Variants in SNTG1 observed in about 807,000 individuals in gnomAD.
SNTG1 encodes the protein gamma-1-syntrophin.
A neutral mutation model predicts 74.7 loss-of-function variants in SNTG1; 39 were observed. The ratio of observed to expected loss-of-function variants is 0.52; its 90% CI spans 0.40 to 0.68. The LOEUF is 0.68. SNTG1 is among the 30% of genes least tolerant of loss of function. SNTG1 has a pLI of 0.00. For synonymous variants in SNTG1, 254 were observed against 217.1 expected (o/e 1.17, Z -1.49); for missense variants, 685 against 609.5 (o/e 1.12, Z -1.30).
Position 50,178,400 on chromosome 8 carries a change from C to T in SNTG1, c.-28+5765C>T, listed in dbSNP as rs557378942. On this transcript the variant is annotated intron_variant, in intron 2 of 18. Transcript: ENST00000642720. ...CACTTTCTGTCTCTCTCTTCACACA[C>T]GTGCGCGCGCACACACACACACACA... 2.7e-4 allele frequency among the ~76,000 whole-genome samples: 41 copies of T among 151,138 alleles called. No homozygotes were observed. The East Asian group carries it at 3.5e-3, about 13-fold the overall frequency.
At chr8:50,292,800 T>C (rs576268523) in intron 2 of SNTG1, among the ~76,000 whole-genome samples, 1 of 152,274 alleles carries the variant, frequency 6.6e-6, no homozygotes, top group South Asian at 2.1e-4. Context: ...TATTTAGTTA[T>C]CCATAACCTA....
At chr8:50,065,622 T>A (rs1358474745) in intron 1 of SNTG1, among the ~76,000 whole-genome samples, 1 of 152,192 alleles carries the variant, frequency 6.6e-6, no homozygotes, top group Non-Finnish European at 1.5e-5. Context: ...GGAAATATTA[T>A]AGACGTTTTC....
At chr8:50,265,612 T>C (rs1260825978) in intron 2 of SNTG1, among the ~76,000 whole-genome samples, 1 of 152,040 alleles carries the variant, frequency 6.6e-6, no homozygotes, top group African/African-American at 2.4e-5. Flanking sequence ...TGACAGGAAG[T>C]TCTAGTAAGG....
At chr8:50,653,112 T>TTTTA (rs527490993) in intron 13 of SNTG1, among the ~76,000 whole-genome samples, 41 of 151,984 alleles carry the variant, frequency 2.7e-4, no homozygotes, top group South Asian at 8.3e-4. Flanking sequence ...TTTGTTTTTA[T>TTTTA]TTTATTTATT....
intron 13 of SNTG1, among the ~76,000 whole-genome samples, chr8:50,624,837 C>T (rs16915106): frequency 0.064 from 9,759 of 152,130 alleles, 847 homozygotes; most frequent in African/African-American, 0.2. Flanking sequence ...CAAGTTCCAA[C>T]GGCATTGAGG....
chr8:50,627,355 A>G (rs1176334783), intron 13 of SNTG1, among the ~76,000 whole-genome samples: 10 of 152,210 alleles, frequency 6.6e-5, no homozygotes, highest in African/African-American at 2.4e-4. Flanking sequence ...TGCTATAAAC[A>G]AGGCTTGCAG....
At chr8:50,090,733 G>T (rs1256610320) in intron 1 of SNTG1, among the ~76,000 whole-genome samples, 1 of 152,132 alleles carries the variant, frequency 6.6e-6, no homozygotes, top group Non-Finnish European at 1.5e-5. Context: ...CAGGGAAGAT[G>T]GGTACTTGGG....
At chr8:49,983,570 G>T (rs550513367) in intron 1 of SNTG1, among the ~76,000 whole-genome samples, 1 of 152,242 alleles carries the variant, frequency 6.6e-6, no homozygotes, top group Non-Finnish European at 1.5e-5. Context: ...GAGATAATAT[G>T]TATAAGAGCA....
intron 2 of SNTG1, among the ~76,000 whole-genome samples, chr8:50,315,464 T>G (rs2090280286): frequency 6.7e-6 from 1 of 150,008 alleles, no homozygotes; most frequent in Non-Finnish European, 1.5e-5. Context: ...TTGATCATAT[T>G]ATGCAACATT....
chr8:50,692,818 C>A (rs1486172116), intron 15 of SNTG1, among the ~76,000 whole-genome samples: 2 of 152,216 alleles, frequency 1.3e-5, no homozygotes, highest in Non-Finnish European at 2.9e-5. Context: ...TTACTGCTGT[C>A]TTTTTGTTTG....
At chr8:50,263,040 T>C (rs2087276333) in intron 2 of SNTG1, among the ~76,000 whole-genome samples, 1 of 152,162 alleles carries the variant, frequency 6.6e-6, no homozygotes, top group East Asian at 1.9e-4. Context: ...TAATGGTGGA[T>C]ACATGTCATT....
chr8:50,035,736 G>A (rs747618897), intron 1 of SNTG1, among the ~76,000 whole-genome samples: 29 of 152,232 alleles, frequency 1.9e-4, no homozygotes, highest in African/African-American at 5.1e-4. Flanking sequence ...AGACCATCAC[G>A]AAGGACCCAG....
chr8:50,783,433 T>A (rs1393175848), intron 18 of SNTG1, among the ~76,000 whole-genome samples: 3 of 152,208 alleles, frequency 2.0e-5, no homozygotes, highest in Non-Finnish European at 4.4e-5. Flanking sequence ...CACTGCTGCC[T>A]TGCAGTTTGA....
rs1491106506 is a variant in SNTG1, at chr8:50,381,556, A to ATATG, written c.-27-12654_-27-12651dup. Among the ~76,000 whole-genome samples, 116 of 100,042 alleles carry ATATG rather than the reference A, an allele frequency of 1.2e-3. 1 individual carries two copies. Among genetic ancestry groups the ATATG allele is most frequent in the African/African-American group, 3.4e-3 (111 of 32,318 alleles). 65.6% of individuals were successfully genotyped at this position (100,042 alleles called of 152,430 possible). A position where few individuals can be genotyped will look rare whatever the true frequency, so the allele number is the denominator to read the frequency against. On this transcript the variant is annotated intron_variant, in intron 2 of 18. Transcript: ENST00000642720. ...TCTCTAGAGGGACAGAACTAATAGG[A>ATATG]TATGTGTGTGTGTGTGTGTGTGTGT...
Position 50,704,688 on chromosome 8 carries a change from G to T in SNTG1, c.1127G>T (p.Ser376Ile). Residue 376 changes from serine (S) to isoleucine (I), a missense_variant, in exon 16 of 19, where the codon AGT (serine) becomes ATT (isoleucine). Transcript: ENST00000642720. ...EDLYFSVELE[S>I]DLAQWERAFQ... is the part of the protein sequence containing the mutation. Reference sequence around the variant, plus strand: ...CTGTACTTCTCAGTGGAGCTGGAAAGTGACCTCGCCCAGTGGGAAAGAGCC... The same window carrying T: ...CTGTACTTCTCAGTGGAGCTGGAAATTGACCTCGCCCAGTGGGAAAGAGCC... 1 of 1,614,168 alleles carries T rather than the reference G, an allele frequency of 6.2e-7. No homozygotes were observed. The highest frequency in any genetic ancestry group is 8.5e-7 in the Non-Finnish European group (1 of 1,180,032).
At chr8:50,714,081 G>A (rs1042670910) in intron 17 of SNTG1, among the ~76,000 whole-genome samples, 3 of 151,008 alleles carry the variant, frequency 2.0e-5, no homozygotes, top group African/African-American at 2.4e-5. Flanking sequence ...AAAAAAAGGT[G>A]GGGGGAGGGA....
chr8:50,081,257 C>T lies in SNTG1; in HGVS notation c.-102-91304C>T, dbSNP rs189003219. On this transcript the variant is annotated intron_variant, in intron 1 of 18. Coordinates refer to ENST00000642720, the MANE Select transcript of SNTG1 (RefSeq NM_018967.5). The stretch of plus-strand genomic sequence containing the variant: ...TTCTTTGTTGACAAATATTTTCTGC[C>T]ATAATTTTTTTGTCTGTTATTTCTA... Among the ~76,000 whole-genome samples, 215 of 130,454 alleles carry T rather than the reference C, an allele frequency of 1.6e-3. 1 individual carries two copies. The highest frequency in any genetic ancestry group is 6.0e-3 in the African/African-American group (207 of 34,606). 85.6% of individuals were successfully genotyped at this position (130,454 alleles called of 152,430 possible).
intron 5 of SNTG1, among the ~76,000 whole-genome samples, chr8:50,448,129 C>T (rs989503610): frequency 1.4e-4 from 22 of 152,090 alleles, no homozygotes; most frequent in African/African-American, 5.3e-4. Context: ...GCCATTGTAA[C>T]CTACGCCAGT....
In SNTG1 at chr8:50,751,387, A is replaced by G. The variant is rs148933154; in HGVS notation, c.1285-614A>G. On this transcript the variant is annotated intron_variant, in intron 17 of 18. Transcript: ENST00000642720. The stretch of plus-strand genomic sequence containing the variant: ...TATAGACAATTCCCACTTATTGCCA[A>G]TTTCACCTTTTATATCTCCATTTTT... Among the ~76,000 whole-genome samples the G allele has an allele frequency of 2.0e-5, 3 of 152,174 alleles. No homozygotes were observed. The East Asian group carries it at 5.8e-4, about 30-fold the overall frequency.
Sources: allele counts gnomAD v4.1 joint callset (sites outside exome capture counted in the v4.1 genomes callset), GRCh38; gene constraint gnomAD v4.1.1; transcripts MANE v1.5; gene names NCBI Gene and HGNC (gene_info 2026-07-23, HGNC 2026-07-21).